RPH3A: variants seen among roughly 807,000 people sequenced by gnomAD.
RPH3A encodes rabphilin-3A.
A neutral mutation model predicts 102.2 loss-of-function variants in RPH3A; 48 were observed. That is an observed-to-expected ratio of 0.47 (90% confidence interval 0.37 to 0.60). The LOEUF is 0.60. Among genes scored for constraint, RPH3A ranks in the 20% least tolerant of loss-of-function variants. RPH3A has a pLI of 0.00. For synonymous variants in RPH3A, 310 were observed against 324.3 expected (o/e 0.96, Z 0.47); for missense variants, 781 against 910.1 (o/e 0.86, Z 1.83).
chr12:112,585,242 C>T (rs2039430170), intron 1 of RPH3A, among the ~76,000 whole-genome samples: 1 of 152,144 alleles, frequency 6.6e-6, no homozygotes, highest in African/African-American at 2.4e-5. Context: ...GTAGGCCTCT[C>T]CTAGTTCAGT....
intron 1 of RPH3A, among the ~76,000 whole-genome samples, chr12:112,651,323 A>G (rs1184320610): frequency 1.3e-5 from 2 of 151,892 alleles, no homozygotes; most frequent in Non-Finnish European, 2.9e-5. Context: ...CAGAGATTGC[A>G]CCATTGCACC....
At chr12:112,740,170 A>T (rs1423486830) in intron 1 of RPH3A, among the ~76,000 whole-genome samples, 1 of 152,118 alleles carries the variant, frequency 6.6e-6, no homozygotes, top group Non-Finnish European at 1.5e-5. Flanking sequence ...TATCCGTAAA[A>T]TGGAGATAAT....
chr12:112,723,467 G>A (rs1158999666), intron 1 of RPH3A, among the ~76,000 whole-genome samples: 1 of 152,152 alleles, frequency 6.6e-6, no homozygotes, highest in African/African-American at 2.4e-5. Context: ...GAAACGGTGG[G>A]CAACTGCAGC....
At chr12:112,826,665 T>C (rs2041879719) in intron 2 of RPH3A, among the ~76,000 whole-genome samples, 2 of 152,342 alleles carry the variant, frequency 1.3e-5, no homozygotes, top group South Asian at 2.1e-4. Flanking sequence ...TTCTTAACTC[T>C]TGTGTCAATA....
intron 1 of RPH3A, among the ~76,000 whole-genome samples, chr12:112,620,763 C>T (rs1047291125): frequency 6.6e-6 from 1 of 152,174 alleles, no homozygotes; most frequent in Admixed American, 6.5e-5. Flanking sequence ...TAACTGGCCA[C>T]TCCATCCTTC....
At chr12:112,894,718 C>A (rs1593140207) in intron 20 of RPH3A, 59 bp downstream of exon 20, 1 of 1,398,832 alleles carries the variant, frequency 7.1e-7, no homozygotes, top group Non-Finnish European at 9.9e-7. Flanking sequence ...TAGAGAGGCA[C>A]AAATAGCCAC....
intron 1 of RPH3A, among the ~76,000 whole-genome samples, chr12:112,606,985 T>C (rs2039601374): frequency 6.6e-6 from 1 of 152,108 alleles, no homozygotes; most frequent in African/African-American, 2.4e-5. Context: ...TTCGTATCTG[T>C]AAAATGGGGA....
intron 20 of RPH3A, 140 bp downstream of exon 20, chr12:112,894,799 T>C: frequency 1.3e-6 from 1 of 763,198 alleles, no homozygotes; most frequent in Non-Finnish European, 2.1e-6. Context: ...GAAAAATATT[T>C]GAAAAATATT....
intron 1 of RPH3A, among the ~76,000 whole-genome samples, chr12:112,616,438 C>T (rs921553166): frequency 6.6e-5 from 10 of 152,160 alleles, no homozygotes; most frequent in Admixed American, 1.3e-4. Flanking sequence ...TGAGCCACCG[C>T]GCGCAGTCTG....
intron 3 of RPH3A, among the ~76,000 whole-genome samples, chr12:112,828,906 A>G (rs1189495518): frequency 6.6e-6 from 1 of 152,256 alleles, no homozygotes; most frequent in Non-Finnish European, 1.5e-5. Flanking sequence ...TCAAAATATC[A>G]GAAGACCTGA....
At position 112,774,034 on chromosome 12, in the gene RPH3A, G is replaced by A. The variant is rs577029691; in HGVS notation, c.-139-18109G>A. ...CGGGAGGCGGAGGTTGCAGTGAGCC[G>A]AGATCACGCCACTGCACTCCAGCCT... On this transcript the variant is annotated intron_variant, in intron 1 of 21. Coordinates refer to the RPH3A transcript ENST00000543106. Among the ~76,000 whole-genome samples the A allele has an allele frequency of 9.0e-5, 12 of 132,734 alleles. 1 individual carries two copies. Among genetic ancestry groups the A allele is most frequent in the African/African-American group, 3.0e-4 (10 of 33,234 alleles). The allele number at this position is 132,734 out of a possible 152,430, so 87.1% of individuals were successfully genotyped here.
chr12:112,863,864 G>A (rs1383457504), intron 5 of RPH3A, among the ~76,000 whole-genome samples: 1 of 152,206 alleles, frequency 6.6e-6, no homozygotes, highest in Non-Finnish European at 1.5e-5. Context: ...TGTGGGGAGT[G>A]AGCTGCTCTC....
Position 112,615,982 on chromosome 12 carries a change from A to G in RPH3A, c.-140+40663A>G, listed in dbSNP as rs1015449496. Among the ~76,000 whole-genome samples, 31 of 151,626 alleles carry G rather than the reference A, an allele frequency of 2.0e-4. 1 individual carries two copies. Among genetic ancestry groups the G allele is most frequent in the Admixed American group, 1.8e-3 (27 of 15,206 alleles). On this transcript the variant is annotated intron_variant, in intron 1 of 21. Coordinates refer to the RPH3A transcript ENST00000543106. ...CTGAGGTCTGGATCTTGTCCCTAGG[A>G]CCCTCTGTGGCATCAACCCTCATCA...
At chr12:112,773,901 TG>T (rs527327949) in intron 1 of RPH3A, among the ~76,000 whole-genome samples, 123 of 151,848 alleles carry the variant, frequency 8.1e-4, no homozygotes, top group African/African-American at 2.9e-3. Flanking sequence ...GCCAACATGG[TG>T]GCACCCCTGT....
At chr12:112,640,961 G>T (rs1392124108) in intron 1 of RPH3A, among the ~76,000 whole-genome samples, 1 of 152,156 alleles carries the variant, frequency 6.6e-6, no homozygotes, top group African/African-American at 2.4e-5. Context: ...GGACATTTGT[G>T]TGTCTGGGGC....
At chr12:112,668,041 A>G (rs2040100145) in intron 1 of RPH3A, among the ~76,000 whole-genome samples, 1 of 152,310 alleles carries the variant, frequency 6.6e-6, no homozygotes, top group East Asian at 1.9e-4. Context: ...TTCCCTAGAC[A>G]AGATCACCCC....
intron 1 of RPH3A, among the ~76,000 whole-genome samples, chr12:112,600,915 T>C (rs2039553807): frequency 1.3e-5 from 2 of 152,222 alleles, no homozygotes; most frequent in African/African-American, 4.8e-5. Context: ...AAACTTACAA[T>C]CATGGTGGAA....
intron 1 of RPH3A, among the ~76,000 whole-genome samples, chr12:112,714,445 A>G (rs1011861387): frequency 6.6e-6 from 1 of 152,112 alleles, no homozygotes; most frequent in Non-Finnish European, 1.5e-5. Context: ...CATCAGCGTT[A>G]GTGTGCCTAT....
intron 1 of RPH3A, among the ~76,000 whole-genome samples, chr12:112,689,094 T>C (rs1039376226): frequency 6.6e-6 from 1 of 152,276 alleles, no homozygotes; most frequent in African/African-American, 2.4e-5. Context: ...ACAATGTGTC[T>C]GAATTTGCTT....
Sources: allele counts gnomAD v4.1 joint callset (sites outside exome capture counted in the v4.1 genomes callset), GRCh38; gene constraint gnomAD v4.1.1; transcripts MANE v1.5; gene names NCBI Gene and HGNC (gene_info 2026-07-23, HGNC 2026-07-21).